DOC2B: variants seen among roughly 807,000 people sequenced by gnomAD.
The protein encoded by DOC2B is double C2 domain beta, also known as double C2-like domain-containing protein beta.
In DOC2B, 21 loss-of-function variants were observed where a neutral mutation model predicts 28.9. That is an observed-to-expected ratio of 0.73 (90% CI 0.52 to 1.05). The LOEUF (loss-of-function observed/expected upper bound fraction) is 1.05, where lower values mean the gene tolerates loss of function less well. DOC2B is among the 50% of genes least tolerant of loss of function. DOC2B has a pLI of 0.00. For missense variants in DOC2B, 384 were observed against 421.1 expected, an observed-to-expected ratio of 0.91 and a Z score of 0.77; for synonymous variants, 194 against 178.1, an observed-to-expected ratio of 1.09 and a Z score of -0.71.
chr17:147,327 G>C lies in DOC2B; in HGVS notation c.*114C>G. 2.5e-6 allele frequency: 1 copy of C among 397,680 alleles called. No homozygotes were observed. The highest frequency in any genetic ancestry group is 4.4e-6 in the Non-Finnish European group (1 of 225,636). 24.6% of individuals were successfully genotyped at this position (397,680 alleles called of 1,614,324 possible). ...CTGCAGTGGCTCTGTGTCCAAGCAG[G>C]GGTTCTGGATCTCCCCCAGTGTGGG... On this transcript the variant is annotated 3_prime_UTR_variant, in exon 9 of 9. Transcript: ENST00000613549.
rs772102456 is a variant in DOC2B at position 152,299 on chromosome 17, G to A, written c.924-3107C>T. On this transcript the variant is annotated intron_variant, in intron 6 of 8. Coordinates refer to ENST00000613549, the MANE Select transcript of DOC2B (RefSeq NM_003585.5). Reference sequence around the variant, plus strand: ...AGCGACCGCACAGGCTGCTGAGCGCGTCACACGCAGCCATCGCGCAGCTCA... The same window carrying A: ...AGCGACCGCACAGGCTGCTGAGCGCATCACACGCAGCCATCGCGCAGCTCA... Among the ~76,000 whole-genome samples the A allele has an allele frequency of 6.4e-4, 97 of 152,164 alleles. 1 individual carries two copies. Among genetic ancestry groups the A allele is most frequent in the Non-Finnish European group, 3.5e-4 (24 of 68,026 alleles).
intron 6 of DOC2B, among the ~76,000 whole-genome samples, chr17:151,046 G>T (rs147377984): frequency 1.3e-5 from 2 of 152,282 alleles, no homozygotes; most frequent in East Asian, 3.9e-4. Flanking sequence ...TCTCTGTGTT[G>T]ATTCTGGTGG....
chr17:153,304 A>G (rs1031693358), intron 6 of DOC2B, among the ~76,000 whole-genome samples: 2 of 152,238 alleles, frequency 1.3e-5, no homozygotes, highest in African/African-American at 4.8e-5. Context: ...GAAGTTGACC[A>G]GACCATCTGT....
rs1242787879 is a variant in DOC2B, at chr17:147,004, T to C, written c.*437A>G. The C allele has an allele frequency of 2.5e-5, 4 of 162,402 alleles. No individual in the cohort carries two copies. The highest frequency in any genetic ancestry group is 5.3e-5 in the Non-Finnish European group (4 of 75,340). 10.1% of individuals were successfully genotyped at this position (162,402 alleles called of 1,614,324 possible). A position where few individuals can be genotyped will look rare whatever the true frequency, so the allele number is the denominator to read the frequency against. ...AGATGAGGGATGCAGTTAGGCTTTCTTGGGCTGGAGCAGCCAGTCTTCAAG... is the reference window on the plus strand; with the variant it reads ...AGATGAGGGATGCAGTTAGGCTTTCCTGGGCTGGAGCAGCCAGTCTTCAAG... On this transcript the variant is annotated 3_prime_UTR_variant, in exon 9 of 9. Coordinates refer to ENST00000613549, the MANE Select transcript of DOC2B (RefSeq NM_003585.5).
At chr17:147,772 C>T (rs1027285002) in intron 8 of DOC2B, among the ~76,000 whole-genome samples, 195 bp from the exon 9 acceptor site, 13 of 152,228 alleles carry the variant, frequency 8.5e-5, no homozygotes, top group Non-Finnish European at 1.3e-4. Flanking sequence ...CTCTCTTCCA[C>T]CAGGGCAGGG....
At chr17:161,850 C>T (rs2040208306) in intron 4 of DOC2B, among the ~76,000 whole-genome samples, 1 of 152,184 alleles carries the variant, frequency 6.6e-6, no homozygotes, top group African/African-American at 2.4e-5. Flanking sequence ...CCCTGAGAGG[C>T]CCCAGGAAGC....
intron 6 of DOC2B, among the ~76,000 whole-genome samples, chr17:152,284 C>A (rs551940241): frequency 5.6e-4 from 86 of 152,362 alleles, no homozygotes; most frequent in South Asian, 1.7e-3. Context: ...AGCGACCGCA[C>A]AGGCTGCTGA....
At chr17:162,336 G>T in intron 3 of DOC2B, 146 bp from the exon 4 acceptor site, 1 of 669,668 alleles carries the variant, frequency 1.5e-6, no homozygotes, top group South Asian at 1.7e-5. Flanking sequence ...GTGGACTTAG[G>T]GTTGGTAATG....
At chr17:164,092 G>C (rs2040234522) in intron 3 of DOC2B, 38 bp downstream of exon 3, 3 of 1,483,806 alleles carry the variant, frequency 2.0e-6, no homozygotes, top group Non-Finnish European at 2.8e-6. Flanking sequence ...GTGGTGGGCG[G>C]GTGCAGCTGG....
At chr17:169,145 C>A (rs1193314709) in intron 2 of DOC2B, among the ~76,000 whole-genome samples, 1 of 151,994 alleles carries the variant, frequency 6.6e-6, no homozygotes, top group East Asian at 1.9e-4. Flanking sequence ...TATCATTCAG[C>A]CTGAAAAGGA....
At position 165,049 on chromosome 17, in the gene DOC2B, G is replaced by A. The variant is rs144950134; in HGVS notation, c.454-845C>T. 4.5e-3 allele frequency among the ~76,000 whole-genome samples: 682 copies of A among 152,242 alleles called. 3 individuals are homozygous for A. Among genetic ancestry groups the A allele is most frequent in the Middle Eastern group, 0.024 (7 of 294 alleles). ...CAGGCCCACCCCACCTCGGTTTGAC[G>A]GAGCTCTGGGGGATGCGGCAGGGGC... On this transcript the variant is annotated intron_variant, in intron 2 of 8. Coordinates refer to ENST00000613549, the MANE Select transcript of DOC2B (RefSeq NM_003585.5).
intron 5 of DOC2B, among the ~76,000 whole-genome samples, chr17:160,689 C>T (rs928803022): frequency 2.6e-5 from 4 of 152,154 alleles, no homozygotes; most frequent in Non-Finnish European, 5.9e-5. Context: ...CTTCACCAGC[C>T]CTATGAACCA....
At chr17:161,945 G>A in intron 4 of DOC2B, 136 bp downstream of exon 4, 1 of 679,086 alleles carries the variant, frequency 1.5e-6, no homozygotes. Flanking sequence ...CTTTCTTCAA[G>A]CCCCCAAGCT....
rs2040002910 is a variant in DOC2B, at chr17:144,094, G to A, written c.*3347C>T. On this transcript the variant is annotated 3_prime_UTR_variant, in exon 9 of 9. Coordinates refer to ENST00000613549, the MANE Select transcript of DOC2B (RefSeq NM_003585.5). The stretch of plus-strand genomic sequence containing the variant: ...GGCGGCGGGCGGGGCGGCGGGCGGG[G>A]CGGCGGGCGGGGCGGCGCTGGAGGC... 1 of 151,586 alleles carries A rather than the reference G, an allele frequency of 6.6e-6. No homozygotes were observed. Among genetic ancestry groups the A allele is most frequent in the Non-Finnish European group, 1.5e-5 (1 of 67,664 alleles). 9.4% of individuals were successfully genotyped at this position (151,586 alleles called of 1,614,324 possible).
At chr17:174,997 T>C (rs577312096) in intron 1 of DOC2B, among the ~76,000 whole-genome samples, 2 of 152,286 alleles carry the variant, frequency 1.3e-5, no homozygotes, top group South Asian at 4.1e-4. Flanking sequence ...CCCAGCACTT[T>C]GGGAGGCTGA....
chr17:173,814 C>T (rs2040339506), intron 1 of DOC2B, among the ~76,000 whole-genome samples: 1 of 152,088 alleles, frequency 6.6e-6, no homozygotes, highest in African/African-American at 2.4e-5. Flanking sequence ...GGTGTGATCC[C>T]GGGATAAGGG....
chr17:149,335 C>T (rs1243482314), intron 6 of DOC2B, 143 bp from the exon 7 acceptor site: 5 of 397,162 alleles, frequency 1.3e-5, no homozygotes, highest in East Asian at 3.6e-5. Flanking sequence ...ATTTTCCCAA[C>T]GCTATTTTGT....
intron 1 of DOC2B, among the ~76,000 whole-genome samples, chr17:173,683 GA>G (rs2040337461): frequency 6.6e-6 from 1 of 152,198 alleles, no homozygotes; most frequent in South Asian, 2.1e-4. Flanking sequence ...AGGCTTCCTG[GA>G]GGAGGTGATG....
intron 1 of DOC2B, among the ~76,000 whole-genome samples, chr17:174,269 C>T (rs2040344566): frequency 6.6e-6 from 1 of 152,232 alleles, no homozygotes; most frequent in Non-Finnish European, 1.5e-5. Context: ...CGTGCACTTC[C>T]CTGCTGTGTG....
Sources: gnomAD v4.1 joint callset for allele counts (sites outside exome capture counted in the v4.1 genomes callset) on GRCh38, gnomAD v4.1.1 for gene constraint, MANE v1.5 for transcripts, NCBI Gene and HGNC (gene_info 2026-07-23, HGNC 2026-07-21) for gene names.